PTPRK: variants seen among roughly 807,000 people sequenced by gnomAD.
PTPRK encodes receptor-type tyrosine-protein phosphatase kappa.
PTPRK carries 75 observed loss-of-function variants against 178.0 expected under a neutral mutation model. That is an observed-to-expected ratio of 0.42 (90% CI 0.35 to 0.51). The LOEUF is 0.51. Ranked by LOEUF, PTPRK falls within the 20% of genes least tolerant of loss-of-function variation. The pLI is 0.02. For missense variants in PTPRK, 1,441 were observed against 1,797.8 expected (o/e 0.80, Z 3.59); for synonymous variants, 637 against 620.6 (o/e 1.03, Z -0.39).
chr6:128,053,106 T>C (rs1779303270), intron 13 of PTPRK, among the ~76,000 whole-genome samples: 1 of 151,790 alleles, frequency 6.6e-6, no homozygotes, highest in African/African-American at 2.4e-5. Flanking sequence ...TTTCCATCAG[T>C]ATGTTGTTGC....
chr6:128,424,850 G>GA (rs755637903), intron 1 of PTPRK, among the ~76,000 whole-genome samples: 60 of 151,816 alleles, frequency 4.0e-4, no homozygotes, highest in Non-Finnish European at 7.4e-4. Flanking sequence ...GTTAAAATGT[G>GA]AAAAAAATAC....
rs189622370 is a variant in PTPRK, at chr6:128,503,010, G to A, written c.100+17249C>T. Among the ~76,000 whole-genome samples, 507 of 152,178 alleles carry A rather than the reference G, an allele frequency of 3.3e-3. 4 individuals carry two copies. Among genetic ancestry groups the A allele is most frequent in the Admixed American group, 7.3e-3 (112 of 15,294 alleles). The stretch of plus-strand genomic sequence containing the variant: ...TGGGAGTCCAAGGCAGGCAGATCAC[G>A]AGGTCAGGAGTTCGAGACCAGCCTG... On this transcript the variant is annotated intron_variant, in intron 1 of 29. Coordinates refer to ENST00000368226, the MANE Select transcript of PTPRK (RefSeq NM_002844.4).
At chr6:128,258,972 G>T (rs967055889) in intron 3 of PTPRK, among the ~76,000 whole-genome samples, 2 of 152,130 alleles carry the variant, frequency 1.3e-5, no homozygotes, top group African/African-American at 4.8e-5. Context: ...AGGATATGGG[G>T]TAGAATTCCT....
intron 13 of PTPRK, among the ~76,000 whole-genome samples, chr6:128,028,229 C>A (rs1774662271): frequency 6.6e-6 from 1 of 152,150 alleles, no homozygotes; most frequent in East Asian, 1.9e-4. Flanking sequence ...AAGTCACAAT[C>A]TTTGCAATTA....
At chr6:128,171,824 T>C (rs757456922) in intron 7 of PTPRK, among the ~76,000 whole-genome samples, 3 of 151,986 alleles carry the variant, frequency 2.0e-5, no homozygotes, top group Non-Finnish European at 2.9e-5. Context: ...AAAGGTAACA[T>C]TTACCCCATT....
intron 12 of PTPRK, among the ~76,000 whole-genome samples, chr6:128,066,172 G>C (rs1478608007): frequency 6.6e-6 from 1 of 152,228 alleles, no homozygotes; most frequent in East Asian, 1.9e-4. Flanking sequence ...ATTATACCCA[G>C]AATGGACTAA....
rs561515688 is a variant in PTPRK, at chr6:128,489,955, T to C, written c.100+30304A>G. Among the ~76,000 whole-genome samples, 7 of 152,368 alleles carry C rather than the reference T, an allele frequency of 4.6e-5. No individual in the cohort carries two copies. In the South Asian group the frequency reaches 1.0e-3, roughly 23 times the overall value. Reference sequence around the variant, plus strand: ...TACAACTGTATCATTTCTTCAGGTATGCTGAAGCTTAAGTGTCTACGAAAA... The same window carrying C: ...TACAACTGTATCATTTCTTCAGGTACGCTGAAGCTTAAGTGTCTACGAAAA... On this transcript the variant is annotated intron_variant, in intron 1 of 29. Transcript: ENST00000368226.
intron 5 of PTPRK, among the ~76,000 whole-genome samples, chr6:128,229,995 A>G (rs796339912): frequency 1.3e-5 from 2 of 152,328 alleles, no homozygotes; most frequent in East Asian, 3.9e-4. Flanking sequence ...ATGATAGAAT[A>G]TCACAGTTTT....
At chr6:128,059,570 G>A (rs576404675) in intron 13 of PTPRK, among the ~76,000 whole-genome samples, 1 of 152,204 alleles carries the variant, frequency 6.6e-6, no homozygotes, top group Admixed American at 6.6e-5. Context: ...TGTGATTACA[G>A]CATTACAAAT....
intron 5 of PTPRK, among the ~76,000 whole-genome samples, chr6:128,220,520 T>C (rs148966833): frequency 3.3e-5 from 5 of 152,260 alleles, no homozygotes; most frequent in African/African-American, 1.2e-4. Flanking sequence ...GGGCTATATA[T>C]GGGAAACAAA....
chr6:128,205,119 GGA>G (rs1388327581), intron 6 of PTPRK, among the ~76,000 whole-genome samples: 1 of 152,184 alleles, frequency 6.6e-6, no homozygotes, highest in Non-Finnish European at 1.5e-5. Flanking sequence ...GCAGGGACAT[GGA>G]GAGACTTGGA....
chr6:128,423,921 C>G (rs113382101), intron 1 of PTPRK, among the ~76,000 whole-genome samples: 2 of 151,442 alleles, frequency 1.3e-5, no homozygotes, highest in Non-Finnish European at 1.5e-5. Flanking sequence ...ATATGTGGTG[C>G]AAAAAAAGGT....
chr6:128,447,460 T>C (rs866595917), intron 1 of PTPRK, among the ~76,000 whole-genome samples: 2 of 152,130 alleles, frequency 1.3e-5, no homozygotes, highest in Non-Finnish European at 2.9e-5. Flanking sequence ...TAGAAGAAAG[T>C]AAGATTTAGA....
chr6:128,364,153 AT>A (rs1385993266), intron 2 of PTPRK, among the ~76,000 whole-genome samples: 1 of 152,090 alleles, frequency 6.6e-6, no homozygotes, highest in African/African-American at 2.4e-5. Context: ...TTATCATTCA[AT>A]TTTTATAAAA....
At chr6:128,458,482 T>A (rs1395294994) in intron 1 of PTPRK, among the ~76,000 whole-genome samples, 1 of 152,154 alleles carries the variant, frequency 6.6e-6, no homozygotes, top group Non-Finnish European at 1.5e-5. Context: ...AAACTACACA[T>A]TTGTATAATA....
chr6:128,387,355 T>A (rs890977914), intron 2 of PTPRK, among the ~76,000 whole-genome samples: 4 of 152,192 alleles, frequency 2.6e-5, no homozygotes, highest in African/African-American at 7.2e-5. Flanking sequence ...GCAACACAAA[T>A]GATACTCATA....
At position 127,980,995 on chromosome 6, in the gene PTPRK, A is replaced by G. The variant is rs573371872; in HGVS notation, c.3711+121T>C. ...TTTCCAAAAAAATGTGTTTCAATAA[A>G]AGTTTCCACTTTTCCTTTTTAGGTT... On this transcript the variant is annotated intron_variant, in intron 25 of 29. Coordinates refer to ENST00000368226, the MANE Select transcript of PTPRK (RefSeq NM_002844.4). 6.9e-6 allele frequency: 7 copies of G among 1,008,412 alleles called. No homozygotes were observed. The African/African-American group carries it at 9.7e-5, about 14-fold the overall frequency. 62.5% of individuals were successfully genotyped at this position (1,008,412 alleles called of 1,614,324 possible).
At chr6:128,261,922 G>A (rs1285527626) in intron 3 of PTPRK, among the ~76,000 whole-genome samples, 1 of 152,118 alleles carries the variant, frequency 6.6e-6, no homozygotes, top group East Asian at 1.9e-4. Flanking sequence ...ACAGCATCAA[G>A]TTGGGCCCTT....
At chr6:128,208,869 G>T (rs911715397) in intron 6 of PTPRK, among the ~76,000 whole-genome samples, 1 of 152,032 alleles carries the variant, frequency 6.6e-6, no homozygotes, top group Non-Finnish European at 1.5e-5. Flanking sequence ...CACCCCAATC[G>T]AAAGTTTACA....
Sources: gnomAD v4.1 joint callset for allele counts (sites outside exome capture counted in the v4.1 genomes callset) on GRCh38, gnomAD v4.1.1 for gene constraint, MANE v1.5 for transcripts, NCBI Gene and HGNC (gene_info 2026-07-23, HGNC 2026-07-21) for gene names.